CDH20: variants seen among roughly 807,000 people sequenced by gnomAD.
The protein encoded by CDH20 is cadherin 20.
A neutral mutation model predicts 74.2 loss-of-function variants in CDH20; 29 were observed. The ratio of observed to expected loss-of-function variants is 0.39; its 90% CI spans 0.29 to 0.53. The LOEUF (loss-of-function observed/expected upper bound fraction) is 0.53, where lower values mean the gene tolerates loss of function less well. CDH20 is among the 20% of genes least tolerant of loss of function. CDH20 has a pLI of 0.69. For missense variants in CDH20, 988 were observed against 1,048.3 expected (o/e 0.94, Z 0.79); for synonymous variants, 469 against 405.4 (o/e 1.16, Z -1.88).
Position 61,350,836 on chromosome 18 carries a change from C to T in CDH20, c.-153+17009C>T, listed in dbSNP as rs375523879. 8.5e-5 allele frequency among the ~76,000 whole-genome samples: 13 copies of T among 152,206 alleles called. No individual in the cohort carries two copies. The East Asian group carries it at 9.7e-4, about 11-fold the overall frequency. On this transcript the variant is annotated intron_variant, in intron 1 of 11. Transcript: ENST00000262717. ...CTCAAAGTCACCAGGGGAGCAAAGA[C>T]AGAAAGTGCAGAGGATCTTTCAGTG... is the stretch of plus-strand genomic sequence containing the variant.
At chr18:61,402,017 TGGTTTGTCTAAG>T (rs1475522800) in intron 1 of CDH20, among the ~76,000 whole-genome samples, 1 of 152,196 alleles carries the variant, frequency 6.6e-6, no homozygotes, top group Non-Finnish European at 1.5e-5. Flanking sequence ...GACCAAAGGT[TGGTTTGTCTAAG>T]GGGCAGGCAA....
At chr18:61,345,254 C>A (rs186018177) in intron 1 of CDH20, among the ~76,000 whole-genome samples, 1 of 152,324 alleles carries the variant, frequency 6.6e-6, no homozygotes, top group Admixed American at 6.5e-5. Flanking sequence ...TCTATGTTTA[C>A]CATTCTTGCA....
chr18:61,337,290 T>C (rs1405813586), intron 1 of CDH20, among the ~76,000 whole-genome samples: 1 of 152,146 alleles, frequency 6.6e-6, no homozygotes, highest in Admixed American at 6.5e-5. Flanking sequence ...ACTTCGGATA[T>C]GGGGAAAATT....
chr18:61,411,564 A>ACG (rs1568128983), intron 1 of CDH20, among the ~76,000 whole-genome samples: 9 of 19,050 alleles, frequency 4.7e-4, no homozygotes, highest in Non-Finnish European at 9.4e-4. Context: ...ATGTGTATAT[A>ACG]TGTGTGTGTG....
chr18:61,417,222 G>A (rs1912713536), intron 1 of CDH20, among the ~76,000 whole-genome samples: 1 of 152,124 alleles, frequency 6.6e-6, no homozygotes, highest in Non-Finnish European at 1.5e-5. Flanking sequence ...GAGGTAAAAT[G>A]AGGATAAAGA....
intron 1 of CDH20, among the ~76,000 whole-genome samples, chr18:61,354,865 C>T (rs1910445858): frequency 7.9e-5 from 12 of 152,170 alleles, no homozygotes; most frequent in Admixed American, 7.9e-4. Context: ...GTACTTCTGA[C>T]ATCATATCAG....
intron 1 of CDH20, among the ~76,000 whole-genome samples, chr18:61,343,266 A>G (rs1910011997): frequency 6.6e-6 from 1 of 152,222 alleles, no homozygotes; most frequent in South Asian, 2.1e-4. Flanking sequence ...TTTTGCTTTA[A>G]TTTGTGGCAT....
chr18:61,404,702 G>C (rs1367895000), intron 1 of CDH20, among the ~76,000 whole-genome samples: 1 of 151,674 alleles, frequency 6.6e-6, no homozygotes, highest in African/African-American at 2.4e-5. Flanking sequence ...GAGATACAGA[G>C]ATGGGACCTT....
chr18:61,502,741 C>T (rs1366628809), intron 4 of CDH20, among the ~76,000 whole-genome samples: 1 of 152,174 alleles, frequency 6.6e-6, no homozygotes, highest in African/African-American at 2.4e-5. Context: ...CCTCTGAGCT[C>T]TTCCTGCTGG....
At chr18:61,407,133 C>T (rs973989373) in intron 1 of CDH20, among the ~76,000 whole-genome samples, 14 of 152,186 alleles carry the variant, frequency 9.2e-5, no homozygotes, top group African/African-American at 3.4e-4. Flanking sequence ...TCTGTGTTAA[C>T]TATTGGCTTT....
At chr18:61,373,391 C>T (rs1911108568) in intron 1 of CDH20, among the ~76,000 whole-genome samples, 1 of 151,936 alleles carries the variant, frequency 6.6e-6, no homozygotes, top group African/African-American at 2.4e-5. Flanking sequence ...ATTTTATATC[C>T]CCTAATGACT....
intron 7 of CDH20, 47 bp from the exon 8 acceptor site, chr18:61,536,446 T>A (rs1568181135): frequency 5.1e-6 from 8 of 1,571,274 alleles, no homozygotes; most frequent in Non-Finnish European, 7.0e-6. Flanking sequence ...TATGCTGTCA[T>A]ATGCTTACCC....
At chr18:61,440,937 T>G (rs1407125639) in intron 1 of CDH20, among the ~76,000 whole-genome samples, 2 of 152,180 alleles carry the variant, frequency 1.3e-5, no homozygotes, top group Non-Finnish European at 2.9e-5. Flanking sequence ...GCAGTCACAT[T>G]GCAGAGTATG....
At chr18:61,377,112 G>A (rs1025065131) in intron 1 of CDH20, among the ~76,000 whole-genome samples, 6 of 152,050 alleles carry the variant, frequency 3.9e-5, no homozygotes, top group Admixed American at 2.6e-4. Flanking sequence ...GAATTTACAC[G>A]GTCAAAACTG....
At chr18:61,341,903 T>C (rs1036725010) in intron 1 of CDH20, among the ~76,000 whole-genome samples, 10 of 152,214 alleles carry the variant, frequency 6.6e-5, no homozygotes, top group African/African-American at 2.4e-4. Flanking sequence ...GCTTAGCTGA[T>C]ACCCTCATCT....
chr18:61,448,777 T>C (rs1370308519), intron 1 of CDH20, among the ~76,000 whole-genome samples: 1 of 152,204 alleles, frequency 6.6e-6, no homozygotes, highest in African/African-American at 2.4e-5. Context: ...AATCTCTCTC[T>C]GGAGGCATTT....
intron 1 of CDH20, among the ~76,000 whole-genome samples, chr18:61,465,924 G>T (rs76077221): frequency 9.2e-5 from 14 of 151,992 alleles, no homozygotes; most frequent in Admixed American, 7.2e-4. Flanking sequence ...GCCAGGCATG[G>T]TGATATAGGC....
chr18:61,347,515 G>A (rs1377309381), intron 1 of CDH20, among the ~76,000 whole-genome samples: 1 of 148,542 alleles, frequency 6.7e-6, no homozygotes, highest in Non-Finnish European at 1.5e-5. Context: ...GTGACACCCT[G>A]CCTCAGGGAA....
At position 61,527,904 on chromosome 18, in the gene CDH20, C is replaced by T. The variant is rs1481179407; in HGVS notation, c.1018-63C>T. On this transcript the variant is annotated intron_variant, in intron 6 of 11. Coordinates refer to ENST00000262717, the MANE Select transcript of CDH20 (RefSeq NM_031891.4). ...CATCAATATTGGGCATCCTTTTGAA[C>T]GTTGACATATTTTGAATCTTGAACC... 9 of 1,539,134 alleles carry T rather than the reference C, an allele frequency of 5.8e-6. No individual in the cohort carries two copies. The East Asian group carries it at 6.8e-5, about 12-fold the overall frequency.
Sources: gnomAD v4.1 joint callset for allele counts (sites outside exome capture counted in the v4.1 genomes callset) on GRCh38, gnomAD v4.1.1 for gene constraint, MANE v1.5 for transcripts, NCBI Gene and HGNC (gene_info 2026-07-23, HGNC 2026-07-21) for gene names.